Variants in UHRF2 observed in about 807,000 individuals in gnomAD.
UHRF2 encodes the protein E3 ubiquitin-protein ligase UHRF2.
UHRF2 carries 23 observed loss-of-function variants against 96.8 expected under a neutral mutation model. That is an observed-to-expected ratio of 0.24 (90% CI 0.17 to 0.34). UHRF2 has a LOEUF of 0.34. Ranked by LOEUF, UHRF2 falls within the 10% of genes least tolerant of loss-of-function variation. The pLI, the probability that UHRF2 is intolerant of heterozygous loss-of-function variation, is 1.00. For synonymous variants in UHRF2, 385 were observed against 332.6 expected, an observed-to-expected ratio of 1.16 and a Z score of -1.72; for missense variants, 685 against 981.5, an observed-to-expected ratio of 0.70 and a Z score of 4.04.
chr9:6,453,203 G>C (rs937839885), intron 3 of UHRF2, among the ~76,000 whole-genome samples: 5 of 152,150 alleles, frequency 3.3e-5, no homozygotes, highest in African/African-American at 1.2e-4. Context: ...GTGGTGCCCT[G>C]TCTCCATATA....
intron 6 of UHRF2, among the ~76,000 whole-genome samples, chr9:6,479,507 T>C (rs1823795429): frequency 6.6e-6 from 1 of 152,134 alleles, no homozygotes; most frequent in African/African-American, 2.4e-5. Flanking sequence ...TTCTTTTCTA[T>C]GCTAGGGAAC....
intron 4 of UHRF2, among the ~76,000 whole-genome samples, chr9:6,465,145 C>A (rs1287329591): frequency 6.6e-6 from 1 of 152,132 alleles, no homozygotes; most frequent in African/African-American, 2.4e-5. Context: ...TTTTCCCCTG[C>A]TTTCCAAGAG....
intron 4 of UHRF2, among the ~76,000 whole-genome samples, chr9:6,471,558 A>C (rs1181187201): frequency 6.6e-6 from 1 of 152,218 alleles, no homozygotes; most frequent in African/African-American, 2.4e-5. Context: ...CTCTGAGGGA[A>C]GCCAGTTGCA....
chr9:6,417,726 C>T (rs1267054761), intron 1 of UHRF2, among the ~76,000 whole-genome samples: 1 of 152,180 alleles, frequency 6.6e-6, no homozygotes, highest in Non-Finnish European at 1.5e-5. Flanking sequence ...TTATATGTTA[C>T]TGTGGATGTA....
chr9:6,443,666 G>C (rs1342917274), intron 3 of UHRF2, among the ~76,000 whole-genome samples: 2 of 152,042 alleles, frequency 1.3e-5, no homozygotes, highest in African/African-American at 4.8e-5. Flanking sequence ...CTTCTCTGTG[G>C]GGGAGAACAC....
At chr9:6,469,705 C>CATATATATACACGTATATACATAT (rs1554630054) in intron 4 of UHRF2, among the ~76,000 whole-genome samples, 1 of 147,772 alleles carries the variant, frequency 6.8e-6, no homozygotes, top group Non-Finnish European at 1.5e-5. Context: ...TATATACATA[C>CATATATATACACGTATATACATAT]ATATACACAC....
chr9:6,414,657 G>A (rs1819488157), intron 1 of UHRF2, among the ~76,000 whole-genome samples: 1 of 152,190 alleles, frequency 6.6e-6, no homozygotes, highest in South Asian at 2.1e-4. Context: ...CAATCCTGTG[G>A]TTTTAAATAA....
At chr9:6,449,248 C>G (rs558999753) in intron 3 of UHRF2, 1 of 152,258 alleles carries the variant, frequency 6.6e-6, no homozygotes, top group Non-Finnish European at 1.5e-5. Context: ...AAGCTATGCT[C>G]TTTCTTGGCC....
At chr9:6,469,800 A>G (rs1257788009) in intron 4 of UHRF2, among the ~76,000 whole-genome samples, 2 of 151,060 alleles carry the variant, frequency 1.3e-5, no homozygotes, top group African/African-American at 2.4e-5. Context: ...ATATGTGTAT[A>G]TATATATTTA....
At chr9:6,503,408 T>TA (rs61454062) in intron 14 of UHRF2, among the ~76,000 whole-genome samples, 9,346 of 146,840 alleles carry the variant, frequency 0.064, 469 homozygotes, top group African/African-American at 0.14. Context: ...CCTTCTAGCT[T>TA]AAAAAAAAAA....
At chr9:6,497,144 T>G in intron 10 of UHRF2, 54 bp from the exon 11 acceptor site, 1 of 1,541,168 alleles carries the variant, frequency 6.5e-7, no homozygotes, top group Non-Finnish European at 8.9e-7. Context: ...AATGACTCGA[T>G]TGTGTACTTG....
At chr9:6,501,514 A>C (rs1816292114) in intron 14 of UHRF2, among the ~76,000 whole-genome samples, 1 of 152,250 alleles carries the variant, frequency 6.6e-6, no homozygotes, top group African/African-American at 2.4e-5. Flanking sequence ...TGTGAGAAAT[A>C]GTCATTATTA....
chr9:6,451,291 G>A (rs1167086637), intron 3 of UHRF2, among the ~76,000 whole-genome samples: 1 of 152,006 alleles, frequency 6.6e-6, no homozygotes, highest in Non-Finnish European at 1.5e-5. Context: ...CAGTTGTGTA[G>A]TTTCGTTCAT....
At position 6,441,389 on chromosome 9, in the gene UHRF2, GAA is replaced by G. The variant is rs201426021; in HGVS notation, c.644+7227_644+7228del. On this transcript the variant is annotated intron_variant, in intron 3 of 15. Transcript: ENST00000276893. The stretch of plus-strand genomic sequence containing the variant: ...AACCTGTCTCTACCCCTCCCAAAAA[GAA>G]AAAAAAAAAAGCAGAATTAAAAACA... 4.7e-3 allele frequency among the ~76,000 whole-genome samples: 645 copies of G among 137,962 alleles called. 3 individuals are homozygous for G. The highest frequency in any genetic ancestry group is 6.9e-3 in the Non-Finnish European group (431 of 62,744). 90.5% of individuals were successfully genotyped at this position (137,962 alleles called of 152,430 possible).
intron 3 of UHRF2, 144 bp downstream of exon 3, chr9:6,434,317 T>G: frequency 4.5e-5 from 45 of 1,001,502 alleles, no homozygotes; most frequent in Non-Finnish European, 5.9e-5. Flanking sequence ...TTTTGGTGGT[T>G]GTACTCTAAT....
chr9:6,499,968 T>C (rs1825188012), intron 13 of UHRF2, 37 bp downstream of exon 13: 2 of 1,428,010 alleles, frequency 1.4e-6, no homozygotes, highest in Non-Finnish European at 9.7e-7. Flanking sequence ...AATAATAACA[T>C]ACTTTTGTTG....
chr9:6,492,285 C>A (rs1283793558), intron 9 of UHRF2: 2 of 1,206,416 alleles, frequency 1.7e-6, no homozygotes, highest in African/African-American at 1.6e-5. Flanking sequence ...TATGGCACTC[C>A]CATAATAACT....
chr9:6,488,633 C>T (rs1824463969), intron 9 of UHRF2, among the ~76,000 whole-genome samples: 1 of 146,944 alleles, frequency 6.8e-6, no homozygotes, highest in Non-Finnish European at 1.5e-5. Flanking sequence ...CTGCAAGCAG[C>T]CTCCTGAATA....
intron 3 of UHRF2, among the ~76,000 whole-genome samples, chr9:6,448,466 A>C (rs937688726): frequency 2.0e-5 from 3 of 152,238 alleles, no homozygotes. Flanking sequence ...CCAGGTGATC[A>C]GTTTGAAAAA....
Sources: allele counts gnomAD v4.1 joint callset (sites outside exome capture counted in the v4.1 genomes callset), GRCh38; gene constraint gnomAD v4.1.1; transcripts MANE v1.5; gene names NCBI Gene and HGNC (gene_info 2026-07-23, HGNC 2026-07-21).